Variants in DENND2A observed in about 807,000 individuals in gnomAD.
DENND2A encodes the protein DENN domain containing 2A.
In DENND2A, 53 loss-of-function variants were observed where a neutral mutation model predicts 105.3. The ratio of observed to expected loss-of-function variants is 0.50; its 90% CI spans 0.40 to 0.63. The LOEUF is 0.63. DENND2A is among the 30% of genes least tolerant of loss of function. The pLI is 0.00. For missense variants in DENND2A, 1,138 were observed against 1,279.6 expected (o/e 0.89, Z 1.69); for synonymous variants, 522 against 508.4 (o/e 1.03, Z -0.36).
At chr7:140,601,361 G>C (rs1298154818) in intron 3 of DENND2A, 42 bp downstream of exon 3, 3 of 1,531,266 alleles carry the variant, frequency 2.0e-6, no homozygotes, top group Admixed American at 2.1e-5. Context: ...ACCACTGAGA[G>C]AGTCAGGTGG....
At chr7:140,544,330 G>C (rs1796803690) in intron 14 of DENND2A, 1 of 507,736 alleles carries the variant, frequency 2.0e-6, no homozygotes, top group Admixed American at 3.2e-5. Flanking sequence ...AAGTAGCTGG[G>C]ATAACAAGCG....
chr7:140,558,321 G>A, intron 10 of DENND2A, 109 bp from the exon 11 acceptor site: 1 of 808,502 alleles, frequency 1.2e-6, no homozygotes, highest in Non-Finnish European at 2.0e-6. Flanking sequence ...CACTGCAGGA[G>A]GCTGTAGGAA....
At chr7:140,581,111 A>C (rs1230624463) in intron 5 of DENND2A, among the ~76,000 whole-genome samples, 2 of 151,972 alleles carry the variant, frequency 1.3e-5, no homozygotes, top group African/African-American at 4.8e-5. Context: ...AAAAATACCC[A>C]AAAAATTAGC....
intron 16 of DENND2A, among the ~76,000 whole-genome samples, chr7:140,524,232 A>G (rs1047401852): frequency 2.0e-5 from 3 of 152,234 alleles, no homozygotes; most frequent in Non-Finnish European, 2.9e-5. Flanking sequence ...CAATGTGGCA[A>G]CACTTGGAAG....
chr7:140,640,926 G>C (rs1250568237), upstream of DENND2A: 2 of 151,858 alleles, frequency 1.3e-5, no homozygotes, highest in African/African-American at 4.8e-5. This position sits in a 1 kb window ranked among gnomAD's most constrained non-coding sequence, Gnocchi z 4.9. Flanking sequence ...GCCCGGCCCC[G>C]CGCGGAGCTG....
intron 1 of DENND2A, among the ~76,000 whole-genome samples, chr7:140,633,413 C>T (rs1351380728): frequency 6.6e-6 from 1 of 152,124 alleles, no homozygotes; most frequent in Non-Finnish European, 1.5e-5. Context: ...CCTTGGCCGC[C>T]CAAAGTGCTA....
At chr7:140,600,124 C>T (rs1382517956) in intron 3 of DENND2A, among the ~76,000 whole-genome samples, 4 of 151,888 alleles carry the variant, frequency 2.6e-5, no homozygotes, top group Non-Finnish European at 5.9e-5. Flanking sequence ...AACGGTGATG[C>T]CATTTAGAAG....
intron 9 of DENND2A, among the ~76,000 whole-genome samples, chr7:140,560,988 C>T (rs766690): frequency 0.51 from 77,440 of 151,842 alleles, 21,226 homozygotes; most frequent in East Asian, 0.84. Context: ...ATACTAAAGT[C>T]GTGAGTTTAT....
At position 140,573,803 on chromosome 7, in the gene DENND2A, A is replaced by G; in HGVS notation, c.1446+5T>C. ...CCTGAGCATGAAGCTTGTTGCCACC[A>G]TTACCTTGGGTATCTTTCTCTTCTT... On this transcript the variant is annotated splice_donor_5th_base_variant and intron_variant, in intron 6 of 19. Coordinates refer to ENST00000496613, the MANE Select transcript of DENND2A (RefSeq NM_015689.5). The G allele has an allele frequency of 6.2e-7, 1 of 1,612,812 alleles. No individual in the cohort carries two copies. Among genetic ancestry groups the G allele is most frequent in the Non-Finnish European group, 8.5e-7 (1 of 1,179,324 alleles).
chr7:140,550,255 T>A (rs1232974973), intron 12 of DENND2A, among the ~76,000 whole-genome samples: 4 of 151,824 alleles, frequency 2.6e-5, no homozygotes, highest in African/African-American at 9.7e-5. Context: ...TGCAATGGCA[T>A]GATTTTGGCT....
intron 11 of DENND2A, among the ~76,000 whole-genome samples, chr7:140,556,534 T>G (rs1184592151): frequency 6.6e-6 from 1 of 151,908 alleles, no homozygotes; most frequent in Admixed American, 6.6e-5. Context: ...GAGATAGGGT[T>G]TCACCATGTT....
chr7:140,562,691 A>C (rs191322689), intron 9 of DENND2A, among the ~76,000 whole-genome samples: 233 of 150,562 alleles, frequency 1.5e-3, no homozygotes, highest in Middle Eastern at 6.9e-3. Flanking sequence ...ACAACAACAA[A>C]AAAACCCGCT....
At chr7:140,520,501 G>A (rs1463823843) in intron 18 of DENND2A, among the ~76,000 whole-genome samples, 2 of 152,028 alleles carry the variant, frequency 1.3e-5, no homozygotes, top group East Asian at 3.9e-4. Flanking sequence ...CCTGGGGTCT[G>A]AGCTTCAGGC....
chr7:140,596,024 T>G (rs1284902087), intron 3 of DENND2A, among the ~76,000 whole-genome samples: 1 of 152,162 alleles, frequency 6.6e-6, no homozygotes, highest in Non-Finnish European at 1.5e-5. Context: ...TCAGCTTGCA[T>G]TCTGTTATCG....
chr7:140,631,548 C>T (rs181064522), intron 1 of DENND2A, among the ~76,000 whole-genome samples: 17 of 152,222 alleles, frequency 1.1e-4, no homozygotes, highest in Admixed American at 1.0e-3. Flanking sequence ...AAGAAGCTCT[C>T]TCTTCTCTGA....
chr7:140,625,873 A>G (rs1047147321), intron 1 of DENND2A, among the ~76,000 whole-genome samples: 2 of 152,190 alleles, frequency 1.3e-5, no homozygotes, highest in African/African-American at 4.8e-5. Flanking sequence ...TTTTTATTGA[A>G]GGTTTCACAT....
intron 1 of DENND2A, among the ~76,000 whole-genome samples, chr7:140,606,775 G>C (rs568786891): frequency 6.6e-6 from 1 of 152,200 alleles, no homozygotes; most frequent in Non-Finnish European, 1.5e-5. Context: ...AGCAAGGCCT[G>C]TGTGGATACC....
chr7:140,527,333 C>A lies in DENND2A; in HGVS notation c.2490G>T (p.Glu830Asp). 6.3e-7 allele frequency: 1 copy of A among 1,589,948 alleles called. No individual in the cohort carries two copies. Among genetic ancestry groups the A allele is most frequent in the East Asian group, 2.3e-5 (1 of 43,896 alleles). ...LLSSSLPLLR[E>D]LPLEEVLVVD... Reference sequence around the variant, plus strand: ...GGGAGCTCACCTCTTCCAGCGGCAGCTCCCTGAGCAGTGGCAGCGAGCTGG... The same window carrying A: ...GGGAGCTCACCTCTTCCAGCGGCAGATCCCTGAGCAGTGGCAGCGAGCTGG... The change falls in exon 15 of 20, where the codon GAG becomes GAT. Residue 830 changes from glutamate to aspartate, a missense_variant. By Grantham distance (45) the Glu-to-Asp change is conservative (BLOSUM62 2). Around this residue, in one of 2 missense-constraint regions of DENND2A, gnomAD observed 627 missense variants for 779.8 expected, o/e 0.80. Coordinates refer to ENST00000496613, the MANE Select transcript of DENND2A (RefSeq NM_015689.5). This position sits in a 1 kb window ranked among gnomAD's most constrained non-coding sequence, Gnocchi z 4.9.
chr7:140,529,888 C>T (rs188496255), intron 14 of DENND2A, among the ~76,000 whole-genome samples: 24 of 152,098 alleles, frequency 1.6e-4, no homozygotes, highest in Middle Eastern at 3.4e-3. Context: ...CACATGTATA[C>T]GTATGTAACA....
Sources: allele counts gnomAD v4.1 joint callset (sites outside exome capture counted in the v4.1 genomes callset), GRCh38; gene constraint gnomAD v4.1.1; regional missense constraint gnomAD v4.1.1; non-coding constraint Gnocchi (gnomAD v3.1); transcripts MANE v1.5; gene names NCBI Gene and HGNC (gene_info 2026-07-23, HGNC 2026-07-21).